NAALADL2: variants seen among roughly 807,000 people sequenced by gnomAD.
NAALADL2 encodes the protein N-acetylated alpha-linked acidic dipeptidase like 2.
NAALADL2 carries 76 observed loss-of-function variants against 87.2 expected under a neutral mutation model. That is an observed-to-expected ratio of 0.87 (90% confidence interval 0.72 to 1.05). The LOEUF is 1.05. Among genes scored for constraint, NAALADL2 ranks in the 50% least tolerant of loss-of-function variants. The pLI is 0.00. For missense variants in NAALADL2, 1,089 were observed against 945.8 expected (o/e 1.15, Z -1.99); for synonymous variants, 354 against 331.0 (o/e 1.07, Z -0.75).
chr3:174,945,228 A>T (rs1560397061), intron 1 of NAALADL2, among the ~76,000 whole-genome samples: 1 of 152,228 alleles, frequency 6.6e-6, no homozygotes, highest in East Asian at 1.9e-4. Context: ...TTTTTCAAAC[A>T]TAATCAAATT....
chr3:175,571,078 A>T (rs1294258160), intron 9 of NAALADL2, among the ~76,000 whole-genome samples: 1 of 152,226 alleles, frequency 6.6e-6, no homozygotes, highest in East Asian at 1.9e-4. Context: ...AGCAGATTTT[A>T]AAAATACTTT....
chr3:174,722,154 C>A (rs896507029), intron 2 of NAALADL2, among the ~76,000 whole-genome samples: 1 of 152,114 alleles, frequency 6.6e-6, no homozygotes, highest in African/African-American at 2.4e-5. Flanking sequence ...ATCACTCAAT[C>A]CAATCCCATC....
intron 2 of NAALADL2, among the ~76,000 whole-genome samples, chr3:175,137,477 A>C (rs1729284422): frequency 6.6e-6 from 1 of 152,056 alleles, no homozygotes; most frequent in Non-Finnish European, 1.5e-5. Flanking sequence ...GTGCATGCAA[A>C]TTATCACCAC....
intron 12 of NAALADL2, among the ~76,000 whole-genome samples, chr3:175,745,602 A>T (rs1745816447): frequency 6.6e-6 from 1 of 152,204 alleles, no homozygotes; most frequent in Non-Finnish European, 1.5e-5. Flanking sequence ...TGACAAGAAA[A>T]AACAGTCTGC....
At chr3:174,821,105 C>T (rs1227717444) in intron 3 of NAALADL2, among the ~76,000 whole-genome samples, 1 of 152,166 alleles carries the variant, frequency 6.6e-6, no homozygotes, top group Non-Finnish European at 1.5e-5. Context: ...CTAGTTAGGG[C>T]TCCACTCCCC....
chr3:175,061,907 TG>T (rs1212778266), intron 1 of NAALADL2, among the ~76,000 whole-genome samples: 2 of 152,066 alleles, frequency 1.3e-5, no homozygotes, highest in East Asian at 3.9e-4. Flanking sequence ...AGTCTTCAAC[TG>T]GATTCAAACA....
chr3:175,202,959 C>T (rs1740274186), intron 2 of NAALADL2, among the ~76,000 whole-genome samples: 1 of 152,016 alleles, frequency 6.6e-6, no homozygotes, highest in African/African-American at 2.4e-5. Flanking sequence ...CGGTCTTGCA[C>T]CCACCTTCCC....
chr3:175,121,819 A>G (rs1351070016), intron 2 of NAALADL2, among the ~76,000 whole-genome samples: 1 of 151,772 alleles, frequency 6.6e-6, no homozygotes, highest in Non-Finnish European at 1.5e-5. Flanking sequence ...TGATGTAACT[A>G]AAATGCATTT....
rs533478842 is a variant in NAALADL2 at position 174,970,689 on chromosome 3, C to T, written c.43+111239C>T. Among the ~76,000 whole-genome samples the T allele has an allele frequency of 1.1e-3, 162 of 152,294 alleles. 2 individuals carry two copies. The highest frequency in any genetic ancestry group is 3.8e-3 in the African/African-American group (157 of 41,556). On this transcript the variant is annotated intron_variant, in intron 1 of 13. Coordinates refer to ENST00000454872, the MANE Select transcript of NAALADL2 (RefSeq NM_207015.3). Reference sequence around the variant, plus strand: ...ATATGTTGTTCTTCAATACATCTTTCACTCTATTTTCCGTTGCTAATGGTT... The same window carrying T: ...ATATGTTGTTCTTCAATACATCTTTTACTCTATTTTCCGTTGCTAATGGTT...
chr3:174,858,959 T>C (rs904276742), upstream of NAALADL2, among the ~76,000 whole-genome samples: 1 of 152,058 alleles, frequency 6.6e-6, no homozygotes, highest in African/African-American at 2.4e-5. Flanking sequence ...TATTTCCCTA[T>C]GGTTTAAAAA....
At chr3:175,444,375 A>G (rs1159341078) in intron 5 of NAALADL2, among the ~76,000 whole-genome samples, 2 of 152,222 alleles carry the variant, frequency 1.3e-5, no homozygotes, top group African/African-American at 4.8e-5. Context: ...GCTTTGAAAC[A>G]TGAATCAATT....
At chr3:174,925,998 A>G (rs1441649726) in intron 1 of NAALADL2, among the ~76,000 whole-genome samples, 1 of 152,214 alleles carries the variant, frequency 6.6e-6, no homozygotes, top group Non-Finnish European at 1.5e-5. Flanking sequence ...TAACCAGTGT[A>G]GAGAAGTCCT....
intron 5 of NAALADL2, among the ~76,000 whole-genome samples, chr3:175,358,333 A>G: frequency 6.6e-6 from 1 of 152,054 alleles, no homozygotes; most frequent in East Asian, 1.9e-4. Context: ...TTATGATAGT[A>G]TTTTGGATTT....
chr3:175,445,143 G>C (rs1720486965), intron 5 of NAALADL2, among the ~76,000 whole-genome samples: 1 of 152,150 alleles, frequency 6.6e-6, no homozygotes, highest in Non-Finnish European at 1.5e-5. Context: ...GAGTCATTCT[G>C]TTGGGTATTT....
At chr3:175,177,996 A>G (rs1735937654) in intron 2 of NAALADL2, among the ~76,000 whole-genome samples, 1 of 152,156 alleles carries the variant, frequency 6.6e-6, no homozygotes, top group Middle Eastern at 3.4e-3. Flanking sequence ...ACAGTATAAG[A>G]GCTGTTTTGG....
intron 2 of NAALADL2, among the ~76,000 whole-genome samples, chr3:174,725,132 C>T (rs1249290402): frequency 6.6e-6 from 1 of 152,264 alleles, no homozygotes; most frequent in Non-Finnish European, 1.5e-5. Flanking sequence ...CTTGGTAAGA[C>T]ATGTCCCTTG....
intron 2 of NAALADL2, among the ~76,000 whole-genome samples, chr3:175,168,609 ATTAT>A (rs142109781): frequency 0.021 from 3,235 of 151,954 alleles, 104 homozygotes; most frequent in African/African-American, 0.072. Context: ...TCAATTCTAA[ATTAT>A]TCATGTAATT....
chr3:175,152,183 ATAATG>A (rs1264695414), intron 2 of NAALADL2, among the ~76,000 whole-genome samples: 1 of 152,186 alleles, frequency 6.6e-6, no homozygotes, highest in African/African-American at 2.4e-5. Context: ...ATTTGGCACA[ATAATG>A]TAATAAAGAG....
chr3:174,541,610 A>C (rs1328647349), intron 1 of NAALADL2, among the ~76,000 whole-genome samples: 4 of 152,210 alleles, frequency 2.6e-5, no homozygotes, highest in African/African-American at 9.6e-5. Flanking sequence ...AAAAGCAGTT[A>C]ATCAAAAAGC....
Sources: allele counts gnomAD v4.1 joint callset (sites outside exome capture counted in the v4.1 genomes callset), GRCh38; gene constraint gnomAD v4.1.1; transcripts MANE v1.5; gene names NCBI Gene and HGNC (gene_info 2026-07-23, HGNC 2026-07-21).